The following SLIT2 variants were observed in gnomAD, a reference collection of about 807,000 sequenced individuals.
SLIT2 encodes slit homolog 2 protein.
In SLIT2, 41 loss-of-function variants were observed where a neutral mutation model predicts 185.7. That is an observed-to-expected ratio of 0.22 (90% CI 0.17 to 0.29). The LOEUF (loss-of-function observed/expected upper bound fraction) is 0.29, where lower values mean the gene tolerates loss of function less well. SLIT2 is among the 10% of genes least tolerant of loss of function. SLIT2 has a pLI of 1.00. For missense variants in SLIT2, 1,571 were observed against 1,909.0 expected (o/e 0.82, Z 3.30); for synonymous variants, 693 against 680.2 (o/e 1.02, Z -0.29).
chr4:20,519,469 T>G lies in SLIT2; in HGVS notation c.1130+16T>G, dbSNP rs1254237878. 1 of 1,464,082 alleles carries G rather than the reference T, an allele frequency of 6.8e-7. No homozygotes were observed. The highest frequency in any genetic ancestry group is 1.4e-5 in the African/African-American group (1 of 71,524). The allele number at this position is 1,464,082 out of a possible 1,614,324, so 90.7% of individuals were successfully genotyped here. Reference sequence around the variant, plus strand: ...TACAGCTCCTGTAAGTATTTGATTGTTTTGGATCTCTCGAGCCTAATAATA... The same window carrying G: ...TACAGCTCCTGTAAGTATTTGATTGGTTTGGATCTCTCGAGCCTAATAATA... On this transcript the variant is annotated intron_variant, in intron 12 of 36. Transcript: ENST00000504154.
rs867083004 is a variant in SLIT2 at position 20,612,248 on chromosome 4, A to G, written c.3847+2081A>G. Among the ~76,000 whole-genome samples the G allele has an allele frequency of 2.2e-3, 329 of 150,672 alleles. 3 individuals carry two copies. In the South Asian group the frequency reaches 0.049, roughly 23 times the overall value. ...ACAGAGCCAGACACTATCTCAAGAA[A>G]AAAAAAAAAAAAAAGAATACAGGAT... is the stretch of plus-strand genomic sequence containing the variant. On this transcript the variant is annotated intron_variant, in intron 34 of 36. Coordinates refer to ENST00000504154, the MANE Select transcript of SLIT2 (RefSeq NM_004787.4).
Position 20,387,119 on chromosome 4 carries a change from C to G in SLIT2, c.396-80633C>G, listed in dbSNP as rs918828484. Among the ~76,000 whole-genome samples, 10 of 152,252 alleles carry G rather than the reference C, an allele frequency of 6.6e-5. 1 individual carries two copies. The East Asian group carries it at 1.4e-3, about 21-fold the overall frequency. On this transcript the variant is annotated intron_variant, in intron 4 of 36. Transcript: ENST00000504154. The stretch of plus-strand genomic sequence containing the variant: ...CTGCTGTGGGTCAGTGAGATGTGAA[C>G]AGCAGTGATGGGTTTTTTCCAGCTG...
intron 4 of SLIT2, among the ~76,000 whole-genome samples, chr4:20,431,402 A>ATT (rs201082791): frequency 1.3e-5 from 2 of 151,698 alleles, no homozygotes; most frequent in African/African-American, 4.8e-5. Flanking sequence ...TTTTATTTTT[A>ATT]TTTTTTTTAA....
At chr4:20,316,030 A>G (rs546048417) in intron 4 of SLIT2, among the ~76,000 whole-genome samples, 5 of 152,136 alleles carry the variant, frequency 3.3e-5, no homozygotes, top group East Asian at 1.9e-4. Context: ...ATACTCCACA[A>G]TAAAGTCACC....
Position 20,499,121 on chromosome 4 carries a change from A to G in SLIT2, c.914+7222A>G, listed in dbSNP as rs537116108. 5.3e-5 allele frequency among the ~76,000 whole-genome samples: 8 copies of G among 152,274 alleles called. No individual in the cohort carries two copies. The South Asian group carries it at 1.7e-3, about 32-fold the overall frequency. Reference sequence around the variant, plus strand: ...ATGGCTGTTATTAACAATTGCTATTATTTATCTGATGATTAGTAATGTTGA... The same window carrying G: ...ATGGCTGTTATTAACAATTGCTATTGTTTATCTGATGATTAGTAATGTTGA... On this transcript the variant is annotated intron_variant, in intron 9 of 36. Coordinates refer to ENST00000504154, the MANE Select transcript of SLIT2 (RefSeq NM_004787.4).
rs76736107 is a variant in SLIT2, at chr4:20,386,713, T to A, written c.396-81039T>A. Among the ~76,000 whole-genome samples the A allele has an allele frequency of 9.9e-4, 151 of 152,306 alleles. 1 individual carries two copies. Among genetic ancestry groups the A allele is most frequent in the African/African-American group, 3.4e-3 (140 of 41,580 alleles). On this transcript the variant is annotated intron_variant, in intron 4 of 36. Coordinates refer to ENST00000504154, the MANE Select transcript of SLIT2 (RefSeq NM_004787.4). ...GGGACAGACTGATTCCAAGGCATAC[T>A]CTAGAAATGGGAAAATATAAATGTT... is the stretch of plus-strand genomic sequence containing the variant.
At chr4:20,615,069 A>G (rs2148987239) in intron 34 of SLIT2, 1 of 152,352 alleles carries the variant, frequency 6.6e-6, no homozygotes, top group South Asian at 2.1e-4. Context: ...TGTTGTGCCT[A>G]TATCAAAATG....
rs188144127 is a variant in SLIT2 at position 20,414,995 on chromosome 4, C to T, written c.396-52757C>T. ...TTTCCTCTCCTCTACTTACTGAATT[C>T]CCTTTATGCATATTTTTGCTCAGTA... On this transcript the variant is annotated intron_variant, in intron 4 of 36. Transcript: ENST00000504154. Among the ~76,000 whole-genome samples the T allele has an allele frequency of 2.4e-3, 362 of 152,240 alleles. 3 individuals carry two copies. Among genetic ancestry groups the T allele is most frequent in the Middle Eastern group, 0.01 (3 of 292 alleles).
Position 20,469,582 on chromosome 4 carries a change from T to C in SLIT2, c.467+1759T>C, listed in dbSNP as rs1714740534. 2.0e-5 allele frequency among the ~76,000 whole-genome samples: 3 copies of C among 152,070 alleles called. No homozygotes were observed. In the South Asian group the frequency reaches 6.2e-4, roughly 32 times the overall value. ...CTTTTCTCCCCCACAGGCATAATTT[T>C]TTCTCAGAATTTAAAGATTTTTTAT... On this transcript the variant is annotated intron_variant, in intron 5 of 36. Coordinates refer to ENST00000504154, the MANE Select transcript of SLIT2 (RefSeq NM_004787.4).
chr4:20,499,349 A>G (rs1577791890), intron 9 of SLIT2, among the ~76,000 whole-genome samples: 1 of 152,290 alleles, frequency 6.6e-6, no homozygotes, highest in East Asian at 1.9e-4. Context: ...ATTTCTGTTT[A>G]GATAACTACC....
chr4:20,399,854 A>G (rs1577579806), intron 4 of SLIT2, among the ~76,000 whole-genome samples: 1 of 151,892 alleles, frequency 6.6e-6, no homozygotes, highest in Admixed American at 6.6e-5. Context: ...CCTGAGAGGG[A>G]TAAGTTCCAG....
rs1228915980 is a variant in SLIT2, at chr4:20,484,501, T to A, written c.540-1699T>A. Among the ~76,000 whole-genome samples the A allele has an allele frequency of 6.6e-6, 1 of 152,120 alleles. No homozygotes were observed. Among genetic ancestry groups the A allele is most frequent in the African/African-American group, 2.4e-5 (1 of 41,444 alleles). On this transcript the variant is annotated intron_variant, in intron 6 of 36. Coordinates refer to ENST00000504154, the MANE Select transcript of SLIT2 (RefSeq NM_004787.4). This position sits in a 1 kb window ranked among gnomAD's most constrained non-coding sequence, Gnocchi z 4.3. ...TTAGAATAGTTCTTATATAATTCAATACATTGCAAAACAAGGTGGTAAAGA... is the reference window on the plus strand; with the variant it reads ...TTAGAATAGTTCTTATATAATTCAAAACATTGCAAAACAAGGTGGTAAAGA...
chr4:20,489,687 G>A (rs1482653287), intron 8 of SLIT2, among the ~76,000 whole-genome samples: 1 of 152,170 alleles, frequency 6.6e-6, no homozygotes, highest in Non-Finnish European at 1.5e-5. Context: ...GGGAGGCTGA[G>A]GCAGGAGAAT....
At chr4:20,584,106 A>G (rs1726841718) in intron 29 of SLIT2, among the ~76,000 whole-genome samples, 1 of 152,108 alleles carries the variant, frequency 6.6e-6, no homozygotes, top group Non-Finnish European at 1.5e-5. Context: ...CTTCAGAAGC[A>G]TTTTCCTTTT....
At chr4:20,577,445 C>T (rs1218156221) in intron 29 of SLIT2, among the ~76,000 whole-genome samples, 1 of 152,156 alleles carries the variant, frequency 6.6e-6, no homozygotes, top group Non-Finnish European at 1.5e-5. Context: ...TCTATGGCAG[C>T]ATTCCGATTA....
Position 20,318,665 on chromosome 4 carries a change from C to G in SLIT2, c.395+49784C>G, listed in dbSNP as rs192286840. ...TTTTTTTCCTTCTCAGTTCAGGCTA[C>G]TTGGATAATAGCTCACTTTGAACAC... On this transcript the variant is annotated intron_variant, in intron 4 of 36. Coordinates refer to ENST00000504154, the MANE Select transcript of SLIT2 (RefSeq NM_004787.4). 1.2e-4 allele frequency among the ~76,000 whole-genome samples: 19 copies of G among 152,034 alleles called. 1 individual carries two copies. Among genetic ancestry groups the G allele is most frequent in the Admixed American group, 5.2e-4 (8 of 15,264 alleles).
At chr4:20,606,763 G>C (rs1235728794) in intron 33 of SLIT2, among the ~76,000 whole-genome samples, 1 of 152,074 alleles carries the variant, frequency 6.6e-6, no homozygotes, top group Non-Finnish European at 1.5e-5. Flanking sequence ...AACTCTTATT[G>C]TAAGATCATT....
intron 4 of SLIT2, among the ~76,000 whole-genome samples, chr4:20,416,350 T>C (rs1727685941): frequency 3.9e-5 from 6 of 152,222 alleles, no homozygotes; most frequent in Admixed American, 3.9e-4. Context: ...GTGCAAGCAC[T>C]CTATACCATT....
At chr4:20,512,871 A>G (rs1012845585) in intron 11 of SLIT2, among the ~76,000 whole-genome samples, 2 of 152,198 alleles carry the variant, frequency 1.3e-5, no homozygotes, top group African/African-American at 2.4e-5. Context: ...GTTAATTGAC[A>G]CTTCTGTGGT....
Sources: gnomAD v4.1 joint callset for allele counts (sites outside exome capture counted in the v4.1 genomes callset) on GRCh38, gnomAD v4.1.1 for gene constraint, Gnocchi (gnomAD v3.1) non-coding constraint, MANE v1.5 for transcripts, NCBI Gene and HGNC (gene_info 2026-07-23, HGNC 2026-07-21) for gene names.